Variants in QTGAL observed in about 807,000 individuals in gnomAD.
QTGAL encodes queuosine-tRNA galactosyltransferase, also known as BGnT-like protein 1.
chr17:83,028,639 C>T, the QTGAL span, among the ~76,000 whole-genome samples: 1 of 152,020 alleles, frequency 6.6e-6, no homozygotes, highest in East Asian at 1.9e-4. Flanking sequence ...AAATTAAGGC[C>T]GACAGCATCA....
At chr17:83,004,704 C>T in the QTGAL span, among the ~76,000 whole-genome samples, 2 of 150,656 alleles carry the variant, frequency 1.3e-5, no homozygotes, top group Non-Finnish European at 3.0e-5. Context: ...TTCCTGAGCC[C>T]GCCCTCCCAC....
the QTGAL span, chr17:82,956,728 G>T: frequency 3.1e-6 from 5 of 1,590,580 alleles, no homozygotes; most frequent in Non-Finnish European, 4.3e-6. The surrounding 1 kb of genome is among the most constrained non-coding windows in gnomAD (Gnocchi z 5.7). Context: ...GTGGCCGGGC[G>T]GCTCGGAAGT....
the QTGAL span, among the ~76,000 whole-genome samples, chr17:82,953,795 T>C: frequency 6.6e-6 from 1 of 152,192 alleles, no homozygotes; most frequent in Non-Finnish European, 1.5e-5. Context: ...AAAAAGCTTA[T>C]CCACCATGAT....
chr17:83,047,866 C>A, the QTGAL span, among the ~76,000 whole-genome samples: 1 of 130,816 alleles, frequency 7.6e-6, no homozygotes, highest in Non-Finnish European at 1.7e-5. Flanking sequence ...TATAATAAAT[C>A]CTTACCAAAG....
At chr17:82,965,505 C>T in the QTGAL span, 11 of 784,354 alleles carry the variant, frequency 1.4e-5, no homozygotes, top group Admixed American at 9.0e-5. Flanking sequence ...GAGGGGGCAC[C>T]GGGAGGACCC....
At chr17:83,012,561 G>A in the QTGAL span, among the ~76,000 whole-genome samples, 1 of 152,304 alleles carries the variant, frequency 6.6e-6, no homozygotes, top group South Asian at 2.1e-4. Context: ...CAGCTCACGG[G>A]CCGGCACAGG....
chr17:82,944,324 G>A, the QTGAL span: 1 of 152,152 alleles, frequency 6.6e-6, no homozygotes, highest in Non-Finnish European at 1.5e-5. Context: ...CAGACACCTG[G>A]TGGCCTGGAA....
At chr17:82,970,579 GGCCGC>G in the QTGAL span, among the ~76,000 whole-genome samples, 2 of 135,070 alleles carry the variant, frequency 1.5e-5, no homozygotes, top group African/African-American at 6.8e-5. Flanking sequence ...CACCCGGCGT[GGCCGC>G]GACCTCCGCA....
chr17:83,026,524 A>G, the QTGAL span, among the ~76,000 whole-genome samples: 14 of 152,034 alleles, frequency 9.2e-5, no homozygotes, highest in Non-Finnish European at 1.8e-4. Flanking sequence ...ACAGACACAC[A>G]GAGCGGAGTG....
chr17:83,008,939 C>T, the QTGAL span, among the ~76,000 whole-genome samples: 13 of 152,292 alleles, frequency 8.5e-5, no homozygotes, highest in African/African-American at 2.2e-4. Context: ...TGGAGACAAG[C>T]GGCCCTTCCT....
chr17:82,946,560 C>G, the QTGAL span, among the ~76,000 whole-genome samples: 1 of 63,270 alleles, frequency 1.6e-5, no homozygotes, highest in African/African-American at 6.0e-5. Flanking sequence ...TGGACAGTTA[C>G]AGAACCCAAG....
At chr17:83,007,198 A>C in the QTGAL span, 14 of 982,944 alleles carry the variant, frequency 1.4e-5, no homozygotes, top group South Asian at 5.2e-4. Flanking sequence ...GCTGAATTCT[A>C]TCTGTGAACC....
the QTGAL span, among the ~76,000 whole-genome samples, chr17:83,040,418 A>T: frequency 6.6e-6 from 1 of 152,164 alleles, no homozygotes. Flanking sequence ...AACTAAAAGG[A>T]CCCTGATCTA....
chr17:83,029,106 C>CAGA, the QTGAL span, among the ~76,000 whole-genome samples: 31 of 152,306 alleles, frequency 2.0e-4, no homozygotes, highest in Admixed American at 3.9e-4. Context: ...TTCCGAGGGA[C>CAGA]AGAAGTCTCT....
chr17:83,017,481 A>G, the QTGAL span, among the ~76,000 whole-genome samples: 3 of 152,004 alleles, frequency 2.0e-5, no homozygotes, highest in Non-Finnish European at 4.4e-5. Context: ...AAATTCACCG[A>G]GTATGGTGCT....
chr17:82,974,000 G>A, the QTGAL span, among the ~76,000 whole-genome samples: 1 of 152,198 alleles, frequency 6.6e-6, no homozygotes, highest in Non-Finnish European at 1.5e-5. Flanking sequence ...GCCCCATGGG[G>A]CGCGTTTCAC....
the QTGAL span, chr17:83,048,344 T>C: frequency 4.8e-6 from 4 of 833,082 alleles, no homozygotes; most frequent in African/African-American, 3.4e-5. Context: ...AGGTTCTTAA[T>C]AAGTGGTATA....
the QTGAL span, chr17:82,945,029 T>A: frequency 2.0e-5 from 3 of 152,202 alleles, no homozygotes; most frequent in South Asian, 6.2e-4. Context: ...CCAGTGGTAT[T>A]CCCAGACAAG....
At chr17:82,967,798 G>A in the QTGAL span, among the ~76,000 whole-genome samples, 1 of 151,948 alleles carries the variant, frequency 6.6e-6, no homozygotes, top group African/African-American at 2.4e-5. Flanking sequence ...AGCTGGGCAT[G>A]GTGATGCTCC....
Sources: gnomAD v4.1 joint callset for allele counts (sites outside exome capture counted in the v4.1 genomes callset) on GRCh38, gnomAD v4.1.1 for gene constraint, Gnocchi (gnomAD v3.1) non-coding constraint, MANE v1.5 for transcripts, NCBI Gene and HGNC (gene_info 2026-07-23, HGNC 2026-07-21) for gene names.